Variants in RAD50 observed in about 807,000 individuals in gnomAD.
RAD50 encodes the protein RAD50 double strand break repair protein.
RAD50 carries 132 observed loss-of-function variants against 168.8 expected under a neutral mutation model. The ratio of observed to expected loss-of-function variants is 0.78; its 90% CI spans 0.68 to 0.90. The LOEUF (loss-of-function observed/expected upper bound fraction) is 0.90, where lower values mean the gene tolerates loss of function less well. RAD50 is among the 40% of genes least tolerant of loss of function. The pLI is 0.00. For synonymous variants in RAD50, 525 were observed against 497.4 expected (o/e 1.06, Z -0.74); for missense variants, 1,347 against 1,534.4 (o/e 0.88, Z 2.04).
intron 14 of RAD50, 66 bp downstream of exon 14, chr5:132,603,555 G>C: frequency 6.6e-7 from 1 of 1,516,578 alleles, no homozygotes; most frequent in South Asian, 1.1e-5. Context: ...TGAAGTGTGA[G>C]AGTTAAAAAT....
intron 3 of RAD50, among the ~76,000 whole-genome samples, chr5:132,576,531 A>C (rs1750403235): frequency 6.6e-6 from 1 of 152,186 alleles, no homozygotes; most frequent in Non-Finnish European, 1.5e-5. Context: ...CTAGCTAAGT[A>C]ATTCCTTTAT....
intron 5 of RAD50, among the ~76,000 whole-genome samples, chr5:132,580,786 T>A (rs1750490319): frequency 6.6e-6 from 1 of 152,194 alleles, no homozygotes; most frequent in African/African-American, 2.4e-5. Flanking sequence ...GGACTACAAC[T>A]GCACCCCTGT....
At chr5:132,566,202 G>C (rs1750205771) in intron 2 of RAD50, among the ~76,000 whole-genome samples, 1 of 152,170 alleles carries the variant, frequency 6.6e-6, no homozygotes, top group African/African-American at 2.4e-5. Context: ...TGTAGTGATA[G>C]AAATGCTACA....
chr5:132,590,023 G>A (rs1472632245), intron 9 of RAD50, among the ~76,000 whole-genome samples, 186 bp downstream of exon 9: 1 of 152,144 alleles, frequency 6.6e-6, no homozygotes, highest in Non-Finnish European at 1.5e-5. Context: ...CCGATAGCCT[G>A]AAAATTAGAA....
At chr5:132,615,883 T>G (rs1751165956) in intron 19 of RAD50, 120 bp from the exon 20 acceptor site, 1 of 1,017,920 alleles carries the variant, frequency 9.8e-7, no homozygotes, top group African/African-American at 1.6e-5. Context: ...TCTCCCTCTG[T>G]TGAATTTCAC....
intron 20 of RAD50, 65 bp from the exon 21 acceptor site, chr5:132,618,005 C>A: frequency 7.6e-7 from 1 of 1,312,422 alleles, no homozygotes; most frequent in Non-Finnish European, 1.1e-6. Context: ...AAATCTATGA[C>A]TTTTCCACTT....
intron 13 of RAD50, among the ~76,000 whole-genome samples, chr5:132,597,737 T>A (rs182646470): frequency 6.6e-6 from 1 of 152,284 alleles, no homozygotes; most frequent in African/African-American, 2.4e-5. Context: ...AAATAATAAG[T>A]GCTGTTATTT....
chr5:132,609,194 AGAC>A lies in RAD50; in HGVS notation c.2911_2913del (p.Asp971del), dbSNP rs747539539. 2 of 1,611,730 alleles carry A rather than the reference AGAC, an allele frequency of 1.2e-6. No homozygotes were observed. Among genetic ancestry groups the A allele is most frequent in the Non-Finnish European group, 1.7e-6 (2 of 1,178,908 alleles). On this transcript the variant is annotated inframe_deletion, in exon 18 of 25. Transcript: ENST00000378823. ...TTGAGAATTATATTCAAGATGGGAA[AGAC>A]GACTATAAGAAGGTAATTTAAAACT... is the stretch of plus-strand genomic sequence containing the variant.
In RAD50 at chr5:132,579,486, A is replaced by AT. The variant is rs786201531; in HGVS notation, c.541dup (p.Ser181PhefsTer7). On this transcript the variant is annotated frameshift_variant, in exon 4 of 25. Coordinates refer to ENST00000378823, the MANE Select transcript of RAD50 (RefSeq NM_005732.4). LOFTEE classifies it high-confidence loss of function. ...GGCTTTGAAGCAAAAGTTTGATGAG[A>AT]TTTTTTCAGCAACAAGGTTTGTAAC... is the stretch of plus-strand genomic sequence containing the variant. 35 of 1,612,992 alleles carry AT rather than the reference A, an allele frequency of 2.2e-5. No individual in the cohort carries two copies. The highest frequency in any genetic ancestry group is 4.4e-5 in the South Asian group (4 of 91,032).
intron 7 of RAD50, 111 bp from the exon 8 acceptor site, chr5:132,588,576 A>C: frequency 8.8e-7 from 1 of 1,140,842 alleles, no homozygotes; most frequent in Non-Finnish European, 1.2e-6. Flanking sequence ...GAAACTGGGC[A>C]AAATGTACAA....
intron 21 of RAD50, among the ~76,000 whole-genome samples, chr5:132,624,384 T>G (rs922485740): frequency 4.0e-5 from 6 of 151,126 alleles, no homozygotes; most frequent in Non-Finnish European, 5.9e-5. Flanking sequence ...TGTTTTTTGG[T>G]TTTTTTTGCC....
intron 13 of RAD50, among the ~76,000 whole-genome samples, chr5:132,596,691 C>T (rs1750797375): frequency 6.6e-6 from 1 of 152,192 alleles, no homozygotes; most frequent in Non-Finnish European, 1.5e-5. Context: ...ACATGACCCT[C>T]CAGGAGCTAA....
chr5:132,642,069 CT>C, intron 24 of RAD50, 108 bp from the exon 25 acceptor site: 1 of 1,234,792 alleles, frequency 8.1e-7, no homozygotes, highest in Non-Finnish European at 1.2e-6. Flanking sequence ...AGCTGGGGCC[CT>C]GACACACAGC....
At position 132,586,057 on chromosome 5, in the gene RAD50, T is replaced by C. The variant is rs1257555212; in HGVS notation, c.757-1505T>C. 2.0e-5 allele frequency among the ~76,000 whole-genome samples: 3 copies of C among 152,220 alleles called. No individual in the cohort carries two copies. In the East Asian group the frequency reaches 5.8e-4, roughly 29 times the overall value. ...TACTTTTTGTTTATTATTTAGGAAG[T>C]CTTTGACCCAGTGTCACAAAAATAT... On this transcript the variant is annotated intron_variant, in intron 5 of 24. Coordinates refer to ENST00000378823, the MANE Select transcript of RAD50 (RefSeq NM_005732.4).
intron 11 of RAD50, chr5:132,593,657 G>A (rs1216365524): frequency 6.6e-6 from 1 of 152,158 alleles, no homozygotes; most frequent in Non-Finnish European, 1.5e-5. Flanking sequence ...CTTTGGTGGT[G>A]TTTAATCTGT....
At chr5:132,561,430 T>C (rs1424532372) in intron 2 of RAD50, among the ~76,000 whole-genome samples, 1 of 152,168 alleles carries the variant, frequency 6.6e-6, no homozygotes, top group Non-Finnish European at 1.5e-5. Flanking sequence ...TCACCTCAGG[T>C]GATCCACCTG....
chr5:132,588,022 A>G lies in RAD50; in HGVS notation c.984A>G (p.Glu328=), dbSNP rs876660690. ...GGAAATTGGTAGACTGTCATCGTGA[A>G]CTGGAAAAACTAAATAAAGAATCTA... ...KERKLVDCHR[E]LEKLNKESRL... Residue 328 remains glutamate (E), a synonymous_variant, in exon 7 of 25, where the codon GAA becomes GAG. Coordinates refer to ENST00000378823, the MANE Select transcript of RAD50 (RefSeq NM_005732.4). The G allele has an allele frequency of 6.2e-7, 1 of 1,612,374 alleles. No individual in the cohort carries two copies. The highest frequency in any genetic ancestry group is 8.5e-7 in the Non-Finnish European group (1 of 1,178,532).
At chr5:132,638,390 C>A in intron 23 of RAD50, 167 bp downstream of exon 23, 4 of 783,370 alleles carry the variant, frequency 5.1e-6, no homozygotes, top group South Asian at 1.5e-5. Context: ...TCTCCTGAAG[C>A]TAACCAACAT....
chr5:132,601,711 G>T (rs1165828740), intron 13 of RAD50, among the ~76,000 whole-genome samples: 15 of 152,146 alleles, frequency 9.9e-5, no homozygotes, highest in Admixed American at 9.8e-4. Flanking sequence ...CGATAGCAAA[G>T]ACTTGGAACC....
Sources: allele counts gnomAD v4.1 joint callset (sites outside exome capture counted in the v4.1 genomes callset), GRCh38; gene constraint gnomAD v4.1.1; transcripts MANE v1.5; gene names NCBI Gene and HGNC (gene_info 2026-07-23, HGNC 2026-07-21).